RFTN1: variants seen among roughly 807,000 people sequenced by gnomAD.
RFTN1 encodes raftlin.
In RFTN1, 26 loss-of-function variants were observed where a neutral mutation model predicts 46.5. The ratio of observed to expected loss-of-function variants is 0.56; its 90% CI spans 0.41 to 0.78. The LOEUF (loss-of-function observed/expected upper bound fraction) is 0.78. Among genes scored for constraint, RFTN1 ranks in the 30% least tolerant of loss-of-function variants. RFTN1 has a pLI of 0.00. For missense variants in RFTN1, 693 were observed against 718.7 expected (o/e 0.96, Z 0.41); for synonymous variants, 261 against 284.2 (o/e 0.92, Z 0.82).
In RFTN1 at chr3:16,422,203, C is replaced by T. The variant is rs571898549; in HGVS notation, c.332+11648G>A. Among the ~76,000 whole-genome samples, 1 of 152,266 alleles carries T rather than the reference C, an allele frequency of 6.6e-6. No homozygotes were observed. The highest frequency in any genetic ancestry group is 2.1e-4 in the South Asian group (1 of 4,826). On this transcript the variant is annotated intron_variant, in intron 3 of 9. Coordinates refer to ENST00000334133, the MANE Select transcript of RFTN1 (RefSeq NM_015150.2). The surrounding 1 kb of genome is among the most constrained non-coding windows in gnomAD (Gnocchi z 4.6). ...ATTGAACATTATGTTCTTGAAAACA[C>T]AAGGTGGAAATTCTTCTTAAATTAG...
chr3:16,372,541 A>G (rs2073562146), intron 5 of RFTN1, among the ~76,000 whole-genome samples: 1 of 152,224 alleles, frequency 6.6e-6, no homozygotes, highest in South Asian at 2.1e-4. Context: ...AGAAGAAGAA[A>G]AAAATCACAG....
intron 9 of RFTN1, among the ~76,000 whole-genome samples, chr3:16,319,917 G>A (rs2068851023): frequency 6.6e-6 from 1 of 152,138 alleles, no homozygotes. Context: ...TAGGACCGGG[G>A]GAGTCTCTGA....
In RFTN1 at chr3:16,450,449, T is replaced by C. The variant is rs753343307; in HGVS notation, c.146-16412A>G. ...AGGTAGGATAAGAGCCTGAGGCCCA[T>C]CCAAGGGCTCTCTCCCACTGCACCA... On this transcript the variant is annotated intron_variant, in intron 2 of 9. Transcript: ENST00000334133. The surrounding 1 kb of genome is among the most constrained non-coding windows in gnomAD (Gnocchi z 4.6). 1.3e-5 allele frequency among the ~76,000 whole-genome samples: 2 copies of C among 152,194 alleles called. No individual in the cohort carries two copies. The highest frequency in any genetic ancestry group is 1.3e-4 in the Admixed American group (2 of 15,284).
In RFTN1 at chr3:16,394,305, G is replaced by T. The variant is rs1055800505; in HGVS notation, c.441+15070C>A. On this transcript the variant is annotated intron_variant, in intron 4 of 9. Coordinates refer to ENST00000334133, the MANE Select transcript of RFTN1 (RefSeq NM_015150.2). The stretch of plus-strand genomic sequence containing the variant: ...GCAGGGAGGATGGCTTGAGCTCAGG[G>T]TTTGAAGCTGTAGTGAGCTATGACT... Among the ~76,000 whole-genome samples the T allele has an allele frequency of 2.1e-4, 32 of 152,130 alleles. 1 individual carries two copies. Among genetic ancestry groups the T allele is most frequent in the Non-Finnish European group, 5.9e-5 (4 of 68,024 alleles).
In RFTN1 at chr3:16,492,618, G is replaced by A. The variant is rs539596352; in HGVS notation, c.145+1107C>T. On this transcript the variant is annotated intron_variant, in intron 2 of 9. Transcript: ENST00000334133. ...TAAAGTATATCCAGAAGCCCAGGGA[G>A]AAAATGTGTTCAGATGACTTCATTA... is the stretch of plus-strand genomic sequence containing the variant. 9.2e-4 allele frequency among the ~76,000 whole-genome samples: 140 copies of A among 152,292 alleles called. 2 individuals carry two copies. In the South Asian group the frequency reaches 0.028, roughly 31 times the overall value.
chr3:16,350,534 A>C (rs1226588299), intron 7 of RFTN1, among the ~76,000 whole-genome samples: 8 of 151,852 alleles, frequency 5.3e-5, no homozygotes, highest in Non-Finnish European at 1.2e-4. Flanking sequence ...ATCCATACAT[A>C]CTATTCTGTA....
Position 16,421,274 on chromosome 3 carries a change from A to G in RFTN1, c.333-11791T>C, listed in dbSNP as rs2075177941. ...TGTTAACATAATGGAACTATAACAC[A>G]CTTTTCAAAAAGTCTTCTTGATAAT... is the stretch of plus-strand genomic sequence containing the variant. On this transcript the variant is annotated intron_variant, in intron 3 of 9. Coordinates refer to ENST00000334133, the MANE Select transcript of RFTN1 (RefSeq NM_015150.2). This position sits in a 1 kb window ranked among gnomAD's most constrained non-coding sequence, Gnocchi z 4.6. 1.3e-5 allele frequency among the ~76,000 whole-genome samples: 2 copies of G among 152,098 alleles called. No individual in the cohort carries two copies. The highest frequency in any genetic ancestry group is 4.8e-5 in the African/African-American group (2 of 41,422).
chr3:16,377,426 G>T (rs1303152978), intron 5 of RFTN1, among the ~76,000 whole-genome samples: 1 of 152,158 alleles, frequency 6.6e-6, no homozygotes, highest in Non-Finnish European at 1.5e-5. Flanking sequence ...GGGCAATTTC[G>T]AGAGCACAGG....
intron 2 of RFTN1, among the ~76,000 whole-genome samples, chr3:16,456,280 T>C (rs1014797497): frequency 1.2e-4 from 18 of 152,176 alleles, no homozygotes; most frequent in Non-Finnish European, 2.5e-4. Flanking sequence ...ACCAGGGCTG[T>C]TCTTTTCAAA....
rs780208556 is a variant in RFTN1 at position 16,323,470 on chromosome 3, G to A, written c.1251-13C>T. On this transcript the variant is annotated splice_polypyrimidine_tract_variant and intron_variant, in intron 8 of 9. Coordinates refer to ENST00000334133, the MANE Select transcript of RFTN1 (RefSeq NM_015150.2). The stretch of plus-strand genomic sequence containing the variant: ...TACACTCCCCTCGCTGTAACACACG[G>A]AGCTGAGAATGAGCCACTTTATGCC... The A allele has an allele frequency of 6.2e-7, 1 of 1,605,900 alleles. No homozygotes were observed. The highest frequency in any genetic ancestry group is 8.5e-7 in the Non-Finnish European group (1 of 1,173,552).
At chr3:16,403,098 A>T (rs535493039) in intron 4 of RFTN1, among the ~76,000 whole-genome samples, 1 of 152,324 alleles carries the variant, frequency 6.6e-6, no homozygotes, top group East Asian at 1.9e-4. Flanking sequence ...TCCTTCACTG[A>T]GGGGACACCT....
In RFTN1 at chr3:16,409,349, A is replaced by G. The variant is rs147013393; in HGVS notation, c.441+26T>C. 41 of 1,496,186 alleles carry G rather than the reference A, an allele frequency of 2.7e-5. 2 individuals are homozygous for G. In the African/African-American group the frequency reaches 4.7e-4, roughly 17 times the overall value. 92.7% of individuals were successfully genotyped at this position (1,496,186 alleles called of 1,614,324 possible). A position where few individuals can be genotyped will look rare whatever the true frequency, so the allele number is the denominator to read the frequency against. On this transcript the variant is annotated intron_variant, in intron 4 of 9. Transcript: ENST00000334133. ...CAGGGGAACACTCGCAAACCTCTTC[A>G]ATGGTACCCTGACTGTAGCGCTCAC...
At position 16,450,482 on chromosome 3, in the gene RFTN1, G is replaced by A. The variant is rs1052463552; in HGVS notation, c.146-16445C>T. The stretch of plus-strand genomic sequence containing the variant: ...CTCTCTCCCACTGCACCATGATGCT[G>A]CATGACCTGAAGTCCACCAGCATCC... On this transcript the variant is annotated intron_variant, in intron 2 of 9. Coordinates refer to ENST00000334133, the MANE Select transcript of RFTN1 (RefSeq NM_015150.2). The surrounding 1 kb of genome is among the most constrained non-coding windows in gnomAD (Gnocchi z 4.6). 2.6e-5 allele frequency among the ~76,000 whole-genome samples: 4 copies of A among 152,158 alleles called. No individual in the cohort carries two copies. The highest frequency in any genetic ancestry group is 2.6e-4 in the Admixed American group (4 of 15,276).
intron 1 of RFTN1, among the ~76,000 whole-genome samples, chr3:16,510,694 C>G (rs2125017767): frequency 6.6e-6 from 1 of 152,286 alleles, no homozygotes; most frequent in Admixed American, 6.5e-5. Flanking sequence ...AATGGTATAA[C>G]CATGTTGGGA....
chr3:16,326,925 C>T, intron 7 of RFTN1, 49 bp from the exon 8 acceptor site: 1 of 1,443,068 alleles, frequency 6.9e-7, no homozygotes, highest in Non-Finnish European at 9.7e-7. Context: ...CAAGCCAACT[C>T]CCAGGCAATG....
intron 8 of RFTN1, among the ~76,000 whole-genome samples, chr3:16,325,817 C>A (rs2069632131): frequency 1.3e-5 from 2 of 152,338 alleles, no homozygotes; most frequent in South Asian, 4.1e-4. Context: ...TCTGCACTCT[C>A]AATCACCCTG....
intron 4 of RFTN1, among the ~76,000 whole-genome samples, chr3:16,393,740 G>A (rs946109533): frequency 1.3e-5 from 2 of 151,104 alleles, no homozygotes; most frequent in Admixed American, 6.6e-5. Flanking sequence ...CTTACTGCCA[G>A]CTCCACCTCC....
chr3:16,412,593 A>G (rs1475721963), intron 3 of RFTN1, among the ~76,000 whole-genome samples: 1 of 152,178 alleles, frequency 6.6e-6, no homozygotes, highest in African/African-American at 2.4e-5. Flanking sequence ...ACACTCTAAG[A>G]TGACCCCCAC....
At chr3:16,423,197 TACTC>T (rs1228134883) in intron 3 of RFTN1, among the ~76,000 whole-genome samples, 2 of 151,982 alleles carry the variant, frequency 1.3e-5, no homozygotes, top group Admixed American at 6.6e-5. Context: ...CTCCCTGTCT[TACTC>T]CCTAACTAAC....
Sources: gnomAD v4.1 joint callset for allele counts (sites outside exome capture counted in the v4.1 genomes callset) on GRCh38, gnomAD v4.1.1 for gene constraint, Gnocchi (gnomAD v3.1) non-coding constraint, MANE v1.5 for transcripts, NCBI Gene and HGNC (gene_info 2026-07-23, HGNC 2026-07-21) for gene names.